Variants in LDB2 observed in about 807,000 individuals in gnomAD.
LDB2 encodes the protein LIM domain-binding protein 2.
Under a neutral mutation model 44.3 loss-of-function variants are expected in LDB2, and 12 were observed. The ratio of observed to expected loss-of-function variants is 0.27; its 90% confidence interval spans 0.17 to 0.44. The LOEUF (loss-of-function observed/expected upper bound fraction) is 0.44, where lower values mean the gene tolerates loss of function less well. LDB2 is among the 20% of genes least tolerant of loss of function. LDB2 has a pLI of 1.00. For missense variants in LDB2, 344 were observed against 473.5 expected (o/e 0.73, Z 2.54); for synonymous variants, 164 against 174.8 (o/e 0.94, Z 0.49).
At chr4:16,592,505 TACAC>T (rs58460959) in intron 3 of LDB2, among the ~76,000 whole-genome samples, 3 of 108,050 alleles carry the variant, frequency 2.8e-5, no homozygotes, top group Non-Finnish European at 5.4e-5. Context: ...TATATATATA[TACAC>T]ACACACACAC....
chr4:16,561,667 C>A (rs1458732411), intron 5 of LDB2, among the ~76,000 whole-genome samples: 1 of 152,146 alleles, frequency 6.6e-6, no homozygotes, highest in Admixed American at 6.5e-5. Flanking sequence ...AGATTCAATG[C>A]CATCCCCATC....
intron 5 of LDB2, among the ~76,000 whole-genome samples, chr4:16,558,584 T>C (rs1740737410): frequency 6.6e-6 from 1 of 152,174 alleles, no homozygotes; most frequent in Admixed American, 6.5e-5. Context: ...CTACGTCTGA[T>C]TGGTGTACCT....
chr4:16,740,895 T>C (rs2109013564), intron 2 of LDB2, among the ~76,000 whole-genome samples: 1 of 152,312 alleles, frequency 6.6e-6, no homozygotes, highest in South Asian at 2.1e-4. Flanking sequence ...TAAATACAAC[T>C]TTCAGTAAGG....
chr4:16,714,686 T>C (rs1307498538), intron 2 of LDB2, among the ~76,000 whole-genome samples: 1 of 152,156 alleles, frequency 6.6e-6, no homozygotes, highest in Non-Finnish European at 1.5e-5. Flanking sequence ...AATAAAAATT[T>C]TGGCTGGATT....
chr4:16,886,347 C>T (rs1436760401), intron 1 of LDB2, among the ~76,000 whole-genome samples: 1 of 152,058 alleles, frequency 6.6e-6, no homozygotes, highest in African/African-American at 2.4e-5. Context: ...ATTCAGGCAA[C>T]TCAAAATTAT....
At chr4:16,507,812 G>T (rs1291952582) in intron 7 of LDB2, among the ~76,000 whole-genome samples, 1 of 152,086 alleles carries the variant, frequency 6.6e-6, no homozygotes, top group Non-Finnish European at 1.5e-5. Flanking sequence ...TAGGCAGAAG[G>T]GACAGAATTC....
At chr4:16,875,253 T>C (rs1414364284) in intron 1 of LDB2, among the ~76,000 whole-genome samples, 1 of 152,156 alleles carries the variant, frequency 6.6e-6, no homozygotes, top group Non-Finnish European at 1.5e-5. Context: ...GTAGGGTTTC[T>C]GGGGCTGGCA....
intron 1 of LDB2, among the ~76,000 whole-genome samples, chr4:16,806,147 C>T (rs1179582250): frequency 6.6e-6 from 1 of 152,206 alleles, no homozygotes; most frequent in African/African-American, 2.4e-5. Context: ...CTAACATCTT[C>T]CAGGTACCAA....
intron 1 of LDB2, among the ~76,000 whole-genome samples, chr4:16,865,748 A>T (rs1185851474): frequency 6.6e-6 from 1 of 152,200 alleles, no homozygotes; most frequent in East Asian, 1.9e-4. Flanking sequence ...ACTTTGGAGA[A>T]ACAAAGAGAA....
At chr4:16,734,062 AT>A (rs1761339281) in intron 2 of LDB2, among the ~76,000 whole-genome samples, 1 of 152,124 alleles carries the variant, frequency 6.6e-6, no homozygotes. Context: ...CTTGGCCATC[AT>A]TTTCTCATCT....
chr4:16,578,034 C>A (rs560308578), intron 5 of LDB2, among the ~76,000 whole-genome samples: 1 of 152,116 alleles, frequency 6.6e-6, no homozygotes, highest in Non-Finnish European at 1.5e-5. Flanking sequence ...AAATTAGACC[C>A]CTATTTCTCA....
chr4:16,538,476 T>G (rs577333509), intron 5 of LDB2, among the ~76,000 whole-genome samples: 2 of 131,912 alleles, frequency 1.5e-5, no homozygotes, highest in East Asian at 4.0e-4. Flanking sequence ...CAGCAGAAGC[T>G]AGGAAGTGTT....
At chr4:16,723,395 C>A (rs1758742516) in intron 2 of LDB2, among the ~76,000 whole-genome samples, 2 of 152,064 alleles carry the variant, frequency 1.3e-5, no homozygotes, top group Admixed American at 1.3e-4. Flanking sequence ...TAGAACAAAG[C>A]CACTCCCAGG....
intron 2 of LDB2, among the ~76,000 whole-genome samples, chr4:16,699,864 C>T (rs912568108): frequency 9.9e-5 from 15 of 152,130 alleles, no homozygotes; most frequent in African/African-American, 2.2e-4. Context: ...ATATGGCGAA[C>T]GCTGCATCCA....
At chr4:16,700,884 C>A (rs1330840144) in intron 2 of LDB2, among the ~76,000 whole-genome samples, 2 of 152,206 alleles carry the variant, frequency 1.3e-5, no homozygotes, top group African/African-American at 4.8e-5. Context: ...AGTAAATATA[C>A]AAATGAGTGA....
At chr4:16,690,649 G>T (rs1281420471) in intron 2 of LDB2, among the ~76,000 whole-genome samples, 1 of 152,162 alleles carries the variant, frequency 6.6e-6, no homozygotes, top group Admixed American at 6.5e-5. Context: ...TCTAGGAGCT[G>T]AGGTTGGTCT....
chr4:16,896,204 T>C (rs1193266059), intron 1 of LDB2, among the ~76,000 whole-genome samples: 1 of 152,198 alleles, frequency 6.6e-6, no homozygotes. Flanking sequence ...CTTTCTTCTC[T>C]TGGTTCTTGA....
At chr4:16,830,640 C>T (rs949445757) in intron 1 of LDB2, among the ~76,000 whole-genome samples, 6 of 152,188 alleles carry the variant, frequency 3.9e-5, no homozygotes, top group African/African-American at 1.4e-4. Context: ...TAAGAGCAAG[C>T]ATATTCCTTT....
In LDB2 at chr4:16,682,858, C is replaced by T. The variant is rs545195574; in HGVS notation, c.235+76300G>A. On this transcript the variant is annotated intron_variant, in intron 2 of 7. Coordinates refer to ENST00000304523, the MANE Select transcript of LDB2 (RefSeq NM_001290.5). The stretch of plus-strand genomic sequence containing the variant: ...TGTTCACAACCAAGATGGGAAACAG[C>T]GTGCTAGCTATTGAGGCTTGTCTTC... Among the ~76,000 whole-genome samples, 14 of 152,356 alleles carry T rather than the reference C, an allele frequency of 9.2e-5. No individual in the cohort carries two copies. In the South Asian group the frequency reaches 2.1e-3, roughly 23 times the overall value.
Sources: allele counts gnomAD v4.1 joint callset (sites outside exome capture counted in the v4.1 genomes callset), GRCh38; gene constraint gnomAD v4.1.1; transcripts MANE v1.5; gene names NCBI Gene and HGNC (gene_info 2026-07-23, HGNC 2026-07-21).